The following HIBADH variants were observed in gnomAD, a reference collection of about 807,000 sequenced individuals.
HIBADH encodes the protein 3-hydroxyisobutyrate dehydrogenase, mitochondrial.
A neutral mutation model predicts 36.1 loss-of-function variants in HIBADH; 25 were observed. The ratio of observed to expected loss-of-function variants is 0.69; its 90% CI spans 0.50 to 0.97. The LOEUF (loss-of-function observed/expected upper bound fraction) is 0.97. HIBADH is among the 50% of genes least tolerant of loss of function. HIBADH has a pLI of 0.00. For synonymous variants in HIBADH, 160 were observed against 149.5 expected (o/e 1.07, Z -0.51); for missense variants, 421 against 418.0 (o/e 1.01, Z -0.06).
intron 4 of HIBADH, among the ~76,000 whole-genome samples, chr7:27,612,945 A>G (rs1785347335): frequency 7.1e-6 from 1 of 140,312 alleles, no homozygotes; most frequent in South Asian, 2.1e-4. Context: ...CATCTCCAAA[A>G]AAATATATAT....
At chr7:27,574,907 T>G (rs978920861) in intron 4 of HIBADH, among the ~76,000 whole-genome samples, 3 of 152,188 alleles carry the variant, frequency 2.0e-5, no homozygotes, top group African/African-American at 7.2e-5. Context: ...GGAGATTTAA[T>G]AGAGAACTGT....
At chr7:27,562,619 G>T (rs562006138) in intron 4 of HIBADH, among the ~76,000 whole-genome samples, 1 of 152,300 alleles carries the variant, frequency 6.6e-6, no homozygotes, top group South Asian at 2.1e-4. Flanking sequence ...AGCCTCCTGA[G>T]TAGCTGGGAC....
intron 5 of HIBADH, among the ~76,000 whole-genome samples, chr7:27,542,117 T>C (rs941641653): frequency 1.3e-5 from 2 of 152,240 alleles, no homozygotes; most frequent in African/African-American, 4.8e-5. Context: ...TCTATCTACA[T>C]ATATTTTATG....
rs1267992581 is a variant in HIBADH at position 27,624,170 on chromosome 7, A to C, written c.484+5201T>G. 2.7e-5 allele frequency among the ~76,000 whole-genome samples: 4 copies of C among 147,352 alleles called. No homozygotes were observed. The East Asian group carries it at 8.2e-4, about 30-fold the overall frequency. ...TATTCAATGCAATCTCTACCAAATT[A>C]CCAAGTTATTTTTCACAATATCAGA... On this transcript the variant is annotated intron_variant, in intron 4 of 7. Transcript: ENST00000265395.
intron 4 of HIBADH, among the ~76,000 whole-genome samples, chr7:27,627,544 C>T (rs1231476076): frequency 6.6e-6 from 1 of 152,182 alleles, no homozygotes; most frequent in African/African-American, 2.4e-5. Flanking sequence ...GCAATCAAAC[C>T]TAGTGGTCCT....
At chr7:27,568,038 G>A (rs1784573863) in intron 4 of HIBADH, among the ~76,000 whole-genome samples, 1 of 152,168 alleles carries the variant, frequency 6.6e-6, no homozygotes, top group African/African-American at 2.4e-5. Context: ...AAGTCAAGGG[G>A]CATTGGTAAT....
At chr7:27,652,315 A>C (rs2128297364) in intron 1 of HIBADH, among the ~76,000 whole-genome samples, 1 of 152,332 alleles carries the variant, frequency 6.6e-6, no homozygotes, top group South Asian at 2.1e-4. Context: ...TTAAGATTAA[A>C]AAAAAAATGC....
intron 1 of HIBADH, among the ~76,000 whole-genome samples, chr7:27,661,585 C>CAAAAAA (rs61214015): frequency 2.9e-5 from 2 of 68,736 alleles, no homozygotes; most frequent in Non-Finnish European, 5.2e-5. Context: ...GACCCTGTCT[C>CAAAAAA]AAAAAAAAAA....
chr7:27,578,191 TAA>T (rs1259440614), intron 4 of HIBADH, among the ~76,000 whole-genome samples: 2 of 152,232 alleles, frequency 1.3e-5, no homozygotes, highest in Non-Finnish European at 2.9e-5. Context: ...TTGTTAAAAC[TAA>T]GAGAATCTTT....
chr7:27,644,171 C>T (rs1030824865), intron 2 of HIBADH, among the ~76,000 whole-genome samples: 3 of 152,046 alleles, frequency 2.0e-5, no homozygotes, highest in African/African-American at 7.2e-5. Flanking sequence ...AGAATCTTTT[C>T]AAGAAGAAAC....
chr7:27,595,931 A>C (rs544703539), intron 4 of HIBADH, among the ~76,000 whole-genome samples: 1 of 152,302 alleles, frequency 6.6e-6, no homozygotes, highest in African/African-American at 2.4e-5. Context: ...TCAAAACCAC[A>C]CTATACTATT....
At chr7:27,632,161 CTT>C (rs1427528474) in intron 3 of HIBADH, among the ~76,000 whole-genome samples, 173 bp downstream of exon 3, 1 of 152,158 alleles carries the variant, frequency 6.6e-6, no homozygotes. Flanking sequence ...ACATACTTGA[CTT>C]CAGTGAAAAA....
At chr7:27,616,053 G>A (rs1452574318) in intron 4 of HIBADH, among the ~76,000 whole-genome samples, 1 of 152,174 alleles carries the variant, frequency 6.6e-6, no homozygotes, top group East Asian at 1.9e-4. Context: ...TACACAAGAA[G>A]CATGGCACTA....
At chr7:27,584,861 C>A (rs1184493855) in intron 4 of HIBADH, among the ~76,000 whole-genome samples, 1 of 151,964 alleles carries the variant, frequency 6.6e-6, no homozygotes. Context: ...GTTTTACTCA[C>A]CATTCCTTTT....
At chr7:27,526,779 A>G (rs916189980) in intron 7 of HIBADH, among the ~76,000 whole-genome samples, 1 of 152,222 alleles carries the variant, frequency 6.6e-6, no homozygotes, top group Non-Finnish European at 1.5e-5. Context: ...TCCAATAAAT[A>G]TTTGAAGTGT....
At chr7:27,529,632 A>G (rs917522601) in intron 7 of HIBADH, among the ~76,000 whole-genome samples, 20 of 152,216 alleles carry the variant, frequency 1.3e-4, no homozygotes, top group Non-Finnish European at 2.4e-4. Context: ...ATGAGCAAAG[A>G]AAGTGGTTTC....
intron 4 of HIBADH, among the ~76,000 whole-genome samples, chr7:27,627,613 T>A (rs1785671595): frequency 6.6e-6 from 1 of 152,188 alleles, no homozygotes; most frequent in African/African-American, 2.4e-5. Context: ...ACCAGCCTAT[T>A]TTAAGTGGGA....
intron 6 of HIBADH, among the ~76,000 whole-genome samples, chr7:27,531,557 C>A (rs1476036975): frequency 1.3e-5 from 2 of 152,146 alleles, no homozygotes; most frequent in East Asian, 3.9e-4. Context: ...TGAGCCAGGA[C>A]CATTTTGCAT....
chr7:27,632,190 G>T (rs1280326957), intron 3 of HIBADH, 146 bp downstream of exon 3: 1 of 551,158 alleles, frequency 1.8e-6, no homozygotes, highest in East Asian at 3.1e-5. Flanking sequence ...CTTTTACAAT[G>T]AGAAAACCAC....
Sources: gnomAD v4.1 joint callset for allele counts (sites outside exome capture counted in the v4.1 genomes callset) on GRCh38, gnomAD v4.1.1 for gene constraint, MANE v1.5 for transcripts, NCBI Gene and HGNC (gene_info 2026-07-23, HGNC 2026-07-21) for gene names.